The following NTM variants were observed in gnomAD, a reference collection of about 807,000 sequenced individuals.
NTM encodes the protein IgLON family member 2.
A neutral mutation model predicts 42.1 loss-of-function variants in NTM; 13 were observed. The ratio of observed to expected loss-of-function variants is 0.31; its 90% CI spans 0.20 to 0.49. The LOEUF is 0.49. Ranked by LOEUF, NTM falls within the 20% of genes least tolerant of loss-of-function variation. The pLI is 0.99. For synonymous variants in NTM, 187 were observed against 179.2 expected, an observed-to-expected ratio of 1.04 and a Z score of -0.35; for missense variants, 373 against 452.8, an observed-to-expected ratio of 0.82 and a Z score of 1.60.
chr11:132,057,204 AAAAG>A (rs1219034599), intron 2 of NTM, among the ~76,000 whole-genome samples: 6 of 152,248 alleles, frequency 3.9e-5, no homozygotes, highest in Non-Finnish European at 8.8e-5. Flanking sequence ...AAGAAAAAAG[AAAAG>A]AAAGAGAACA....
chr11:131,689,833 C>G (rs704632), intron 1 of NTM, among the ~76,000 whole-genome samples: 4 of 152,186 alleles, frequency 2.6e-5, no homozygotes, highest in Admixed American at 6.5e-5. Context: ...CTCTTGCCAC[C>G]TGCCAGCCTT....
chr11:132,053,671 A>G (rs2079174839), intron 2 of NTM, among the ~76,000 whole-genome samples: 1 of 152,222 alleles, frequency 6.6e-6, no homozygotes, highest in Non-Finnish European at 1.5e-5. Flanking sequence ...AACCTCTCAA[A>G]TAAATTTCTT....
rs2084583915 is a variant in NTM at position 132,219,234 on chromosome 11, G to A, written c.526+7087G>A. On this transcript the variant is annotated intron_variant, in intron 4 of 8. Coordinates refer to ENST00000683400, the MANE Select transcript of NTM (RefSeq NM_001352005.2). ...GAAAGCCTCTGGTGACTTTCTTCAG[G>A]CAGAGTGATTCACCCATTTCTTTGA... Among the ~76,000 whole-genome samples the A allele has an allele frequency of 2.0e-5, 3 of 152,050 alleles. No homozygotes were observed. In the South Asian group the frequency reaches 6.2e-4, roughly 32 times the overall value.
chr11:131,709,773 G>A (rs991304470), intron 1 of NTM, among the ~76,000 whole-genome samples: 6 of 152,126 alleles, frequency 3.9e-5, no homozygotes, highest in Non-Finnish European at 5.9e-5. Flanking sequence ...ATCCTAAAAT[G>A]GAGCGAATAT....
chr11:131,982,221 G>T (rs576813436), intron 2 of NTM, among the ~76,000 whole-genome samples: 1 of 152,240 alleles, frequency 6.6e-6, no homozygotes, highest in South Asian at 2.1e-4. Flanking sequence ...TGTTCTCATG[G>T]GAAGGGAGGC....
chr11:132,317,528 T>A (rs2095461961), intron 7 of NTM: 7 of 401,006 alleles, frequency 1.7e-5, no homozygotes, highest in South Asian at 5.4e-5. Context: ...TCCTTTTTTT[T>A]ATATAATCCC....
rs1949994361 is a variant in NTM at position 131,445,571 on chromosome 11, C to G, written c.82+74683C>G. ...TAACCAACTTTGAGGTCAGAGATGG[C>G]TTGTGGTAATCAGTCCCAGAGTGTG... On this transcript the variant is annotated intron_variant, in intron 1 of 8. Transcript: ENST00000683400. Among the ~76,000 whole-genome samples, 5 of 152,046 alleles carry G rather than the reference C, an allele frequency of 3.3e-5. 1 individual carries two copies. In the South Asian group the frequency reaches 1.0e-3, roughly 32 times the overall value.
At chr11:131,559,615 T>C (rs2055952211) in intron 1 of NTM, among the ~76,000 whole-genome samples, 1 of 152,208 alleles carries the variant, frequency 6.6e-6, no homozygotes, top group Non-Finnish European at 1.5e-5. Flanking sequence ...AGTCAAAATA[T>C]AGGTTAAGAC....
At chr11:131,760,608 A>G (rs893992584) in intron 1 of NTM, among the ~76,000 whole-genome samples, 2 of 152,152 alleles carry the variant, frequency 1.3e-5, no homozygotes, top group African/African-American at 4.8e-5. Flanking sequence ...CACTGTTTCC[A>G]CGCACTGACG....
At chr11:131,766,255 G>A (rs2085077713) in intron 1 of NTM, among the ~76,000 whole-genome samples, 1 of 152,194 alleles carries the variant, frequency 6.6e-6, no homozygotes, top group South Asian at 2.1e-4. Context: ...AAAGCAGGTT[G>A]CATTTTCACT....
At chr11:131,441,335 G>A (rs918688765) in intron 1 of NTM, among the ~76,000 whole-genome samples, 10 of 152,154 alleles carry the variant, frequency 6.6e-5, no homozygotes, top group Admixed American at 1.3e-4. Context: ...TCCTAACTAC[G>A]GAAAGAAGAA....
At chr11:132,319,192 C>A (rs3133910) in intron 7 of NTM, among the ~76,000 whole-genome samples, 20 of 152,032 alleles carry the variant, frequency 1.3e-4, no homozygotes, top group Admixed American at 3.3e-4. Context: ...CCAGTGTGAG[C>A]GACGCAAAAG....
intron 2 of NTM, among the ~76,000 whole-genome samples, chr11:132,094,327 C>T (rs2060708552): frequency 6.6e-6 from 1 of 152,210 alleles, no homozygotes; most frequent in Non-Finnish European, 1.5e-5. Flanking sequence ...GGTTCCATGT[C>T]TTGTGCTCTT....
chr11:132,106,598 A>G (rs534034491), intron 2 of NTM, among the ~76,000 whole-genome samples: 1 of 152,346 alleles, frequency 6.6e-6, no homozygotes, highest in South Asian at 2.1e-4. Flanking sequence ...GCCACTTGGC[A>G]TTTGCACAGC....
At chr11:131,617,602 T>C (rs1020667061) in intron 1 of NTM, among the ~76,000 whole-genome samples, 1 of 152,112 alleles carries the variant, frequency 6.6e-6, no homozygotes. Flanking sequence ...GTGATGGATT[T>C]AATTTAAAGG....
chr11:132,290,751 G>T (rs778338897), intron 4 of NTM, among the ~76,000 whole-genome samples: 1 of 152,128 alleles, frequency 6.6e-6, no homozygotes, highest in African/African-American at 2.4e-5. Context: ...TTTTTAAAAA[G>T]CACCAAGTAG....
At chr11:131,935,404 C>G (rs2059103349) in intron 2 of NTM, among the ~76,000 whole-genome samples, 1 of 152,146 alleles carries the variant, frequency 6.6e-6, no homozygotes, top group South Asian at 2.1e-4. Flanking sequence ...TTTCCTACTT[C>G]ACTTATGAGA....
chr11:131,828,282 C>T (rs986092381), intron 1 of NTM, among the ~76,000 whole-genome samples: 1 of 152,136 alleles, frequency 6.6e-6, no homozygotes, highest in African/African-American at 2.4e-5. Flanking sequence ...ACCACCACGA[C>T]CACTTTCACT....
At chr11:132,313,974 G>GATGAGAAAAATGAGA (rs1476374754) in intron 6 of NTM, among the ~76,000 whole-genome samples, 1 of 152,120 alleles carries the variant, frequency 6.6e-6, no homozygotes, top group Non-Finnish European at 1.5e-5. Flanking sequence ...AGAGTCCCCT[G>GATGAGAAAAATGAGA]ATGAGAAAAA....
Sources: allele counts gnomAD v4.1 joint callset (sites outside exome capture counted in the v4.1 genomes callset), GRCh38; gene constraint gnomAD v4.1.1; transcripts MANE v1.5; gene names NCBI Gene and HGNC (gene_info 2026-07-23, HGNC 2026-07-21).